DNAJB1: variants seen among roughly 807,000 people sequenced by gnomAD.
The protein encoded by DNAJB1 is DnaJ heat shock protein family (Hsp40) member B1.
Under a neutral mutation model 24.0 loss-of-function variants are expected in DNAJB1, and 14 were observed. That is an observed-to-expected ratio of 0.58 (90% confidence interval 0.39 to 0.91). The LOEUF (loss-of-function observed/expected upper bound fraction) is 0.91, where lower values mean the gene tolerates loss of function less well. DNAJB1 is among the 40% of genes least tolerant of loss of function. DNAJB1 has a pLI of 0.00. For missense variants in DNAJB1, 517 were observed against 458.1 expected (o/e 1.13, Z -1.17); for synonymous variants, 262 against 174.4 (o/e 1.50, Z -3.96).
At position 14,518,378 on chromosome 19, in the gene DNAJB1, T is replaced by C. The variant is rs762044429; in HGVS notation, c.-29A>G. 3 of 1,526,806 alleles carry C rather than the reference T, an allele frequency of 2.0e-6. No individual in the cohort carries two copies. Among genetic ancestry groups the C allele is most frequent in the South Asian group, 2.5e-5 (2 of 79,998 alleles). 94.6% of individuals were successfully genotyped at this position (1,526,806 alleles called of 1,614,324 possible). A position where few individuals can be genotyped will look rare whatever the true frequency, so the allele number is the denominator to read the frequency against. On this transcript the variant is annotated 5_prime_UTR_variant, in exon 1 of 3. Coordinates refer to ENST00000254322, the MANE Select transcript of DNAJB1 (RefSeq NM_006145.3). ...CCCCTCCTGCGGCCCGCCGACCCGC[T>C]GTCGCCGTCCCCCGGCTCCGCCGCC...
upstream of DNAJB1, among the ~76,000 whole-genome samples, chr19:14,553,332 G>C (rs10426847): frequency 0.028 from 4,263 of 152,254 alleles, 188 homozygotes; most frequent in African/African-American, 0.097. Flanking sequence ...CGTCTTGCCA[G>C]CACAGGTAGA....
At chr19:14,517,195 C>G (rs2072284123) in intron 1 of DNAJB1, 149 bp from the exon 2 acceptor site, 1 of 725,198 alleles carries the variant, frequency 1.4e-6, no homozygotes, top group Non-Finnish European at 2.2e-6. Flanking sequence ...GTTTCTACCT[C>G]TCACTGCCAA....
upstream of DNAJB1, among the ~76,000 whole-genome samples, chr19:14,522,477 CTG>C (rs1236424385): frequency 7.5e-6 from 1 of 132,706 alleles, no homozygotes; most frequent in African/African-American, 3.0e-5. Context: ...GAGCAAGACT[CTG>C]TCTCGAAGAA....
chr19:14,538,536 C>CTTTT (rs5827232), intron 1 of DNAJB1, among the ~76,000 whole-genome samples: 1 of 136,772 alleles, frequency 7.3e-6, no homozygotes, highest in African/African-American at 2.7e-5. Context: ...TCTTTTTTTT[C>CTTTT]TTTTTTTTTT....
intron 2 of DNAJB1, 127 bp downstream of exon 2, chr19:14,516,339 C>G (rs2072261298): frequency 7.8e-7 from 1 of 1,282,646 alleles, no homozygotes; most frequent in African/African-American, 1.5e-5. Context: ...CCTGGTCAGT[C>G]CTGTTCACTG....
chr19:14,519,647 T>C (rs2072339363), upstream of DNAJB1, among the ~76,000 whole-genome samples: 1 of 152,214 alleles, frequency 6.6e-6, no homozygotes, highest in Non-Finnish European at 1.5e-5. Flanking sequence ...CATCGCCACC[T>C]GGGCAGGGGC....
intron 1 of DNAJB1, among the ~76,000 whole-genome samples, chr19:14,555,369 C>T (rs1324857446): frequency 6.6e-6 from 1 of 151,684 alleles, no homozygotes; most frequent in East Asian, 1.9e-4. Flanking sequence ...CTGCCTCAGC[C>T]TCCTGAGTAG....
exon 1 of DNAJB1, among the ~76,000 whole-genome samples, chr19:14,560,046 G>A (rs759025104): frequency 6.6e-6 from 1 of 152,118 alleles, no homozygotes; most frequent in Non-Finnish European, 1.5e-5. Context: ...TGCAGGTTTG[G>A]GCGTCTCCTC....
intron 1 of DNAJB1, among the ~76,000 whole-genome samples, chr19:14,528,730 A>C (rs1163935510): frequency 6.6e-6 from 1 of 151,756 alleles, no homozygotes; most frequent in East Asian, 2.0e-4. Context: ...ACCTGAGGTC[A>C]GGAGTTCAAG....
At chr19:14,537,608 C>G (rs2072947825) in intron 1 of DNAJB1, among the ~76,000 whole-genome samples, 1 of 152,134 alleles carries the variant, frequency 6.6e-6, no homozygotes, top group African/African-American at 2.4e-5. Flanking sequence ...CAAGTTCAGG[C>G]TGGGTCTTAA....
intron 1 of DNAJB1, among the ~76,000 whole-genome samples, chr19:14,559,222 G>T (rs776403177): frequency 6.6e-6 from 1 of 152,122 alleles, no homozygotes; most frequent in Non-Finnish European, 1.5e-5. Context: ...CCATTTAAAA[G>T]TGAACAGTGG....
chr19:14,540,206 C>A (rs888763171), intron 1 of DNAJB1, among the ~76,000 whole-genome samples: 7 of 151,776 alleles, frequency 4.6e-5, no homozygotes, highest in African/African-American at 1.7e-4. Flanking sequence ...AGTACAGGCA[C>A]CCACCACCAC....
At chr19:14,556,406 C>G (rs908151814) in intron 1 of DNAJB1, among the ~76,000 whole-genome samples, 35 of 60,198 alleles carry the variant, frequency 5.8e-4, no homozygotes, top group African/African-American at 3.0e-3. Flanking sequence ...GCGAGACTCT[C>G]TCAAAAAAAA....
upstream of DNAJB1, among the ~76,000 whole-genome samples, chr19:14,550,493 TC>T (rs368726391): frequency 4.3e-4 from 66 of 152,174 alleles, 2 homozygotes; most frequent in African/African-American, 1.4e-3. Flanking sequence ...AGCTTCCTGG[TC>T]CGACAGCGCC....
At chr19:14,524,798 A>G (rs1488124214) in intron 2 of DNAJB1, among the ~76,000 whole-genome samples, 4 of 140,290 alleles carry the variant, frequency 2.9e-5, no homozygotes, top group Non-Finnish European at 6.0e-5. Flanking sequence ...ATGAGCCGAG[A>G]TGGTGCCACT....
In DNAJB1 at chr19:14,556,142, C is replaced by A. The variant is rs142584012; in HGVS notation, c.-2165-1824G>T. On this transcript the variant is annotated intron_variant, in intron 1 of 5. Coordinates refer to the DNAJB1 transcript ENST00000679223. ...ACCTTTCTGCCCTCACCTCCTCCCA[C>A]TCTCTCCCTGACTCACTCTGCTCAG... 2.1e-4 allele frequency among the ~76,000 whole-genome samples: 32 copies of A among 152,326 alleles called. No homozygotes were observed. In the East Asian group the frequency reaches 6.0e-3, roughly 28 times the overall value.
intron 1 of DNAJB1, among the ~76,000 whole-genome samples, chr19:14,555,697 T>TG (rs2073697279): frequency 6.6e-6 from 1 of 152,166 alleles, no homozygotes; most frequent in Non-Finnish European, 1.5e-5. Context: ...CACCTCAGCC[T>TG]CCCAAAGTGC....
intron 1 of DNAJB1, among the ~76,000 whole-genome samples, chr19:14,538,923 C>G (rs2072999868): frequency 6.6e-6 from 1 of 151,780 alleles, no homozygotes; most frequent in South Asian, 2.1e-4. Flanking sequence ...GAGGAAGAAG[C>G]CCAGATGCCA....
At chr19:14,544,469 G>A (rs1205117822) in intron 1 of DNAJB1, among the ~76,000 whole-genome samples, 1 of 152,070 alleles carries the variant, frequency 6.6e-6, no homozygotes, top group African/African-American at 2.4e-5. Context: ...TGATCAGGAC[G>A]AGGATGCTTG....
Sources: gnomAD v4.1 joint callset for allele counts (sites outside exome capture counted in the v4.1 genomes callset) on GRCh38, gnomAD v4.1.1 for gene constraint, MANE v1.5 for transcripts, NCBI Gene and HGNC (gene_info 2026-07-23, HGNC 2026-07-21) for gene names.